Variants in NDE1 observed in about 807,000 individuals in gnomAD.
The protein encoded by NDE1 is nudE neurodevelopment protein 1, also known as nuclear distribution protein nudE homolog 1.
In NDE1, 28 loss-of-function variants were observed where a neutral mutation model predicts 43.4. That is an observed-to-expected ratio of 0.65 (90% confidence interval 0.48 to 0.89). The LOEUF (loss-of-function observed/expected upper bound fraction) is 0.89. NDE1 is among the 40% of genes least tolerant of loss of function. NDE1 has a pLI of 0.00. For missense variants in NDE1, 441 were observed against 434.1 expected, an observed-to-expected ratio of 1.02 and a Z score of -0.14; for synonymous variants, 184 against 172.0, an observed-to-expected ratio of 1.07 and a Z score of -0.55.
Position 15,667,410 on chromosome 16 carries a change from C to A in NDE1, c.208C>A (p.Arg70Ser), listed in dbSNP as rs150551388. The A allele has an allele frequency of 8.7e-6, 14 of 1,613,702 alleles. No individual in the cohort carries two copies. The highest frequency in any genetic ancestry group is 5.3e-5 in the African/African-American group (4 of 74,854). The change falls in exon 3 of 9, where the codon CGC becomes AGC. Residue 70 changes from arginine (R) to serine (S), a missense_variant. By Grantham distance (110) the Arg-to-Ser change is moderately radical. Transcript: ENST00000396354. The part of the protein sequence containing the change: ...RNRDLLSENN[R>S]LRMELETIKE... ...CAGAGACCTCCTGTCCGAAAATAAC[C>A]GCCTTCGCATGGAGCTGGAAACCAT...
At chr16:15,684,304 A>T (rs1317609086) in intron 4 of NDE1, 1 of 152,008 alleles carries the variant, frequency 6.6e-6, no homozygotes, top group East Asian at 1.9e-4. Context: ...CAGAAATGCC[A>T]CTGAAGGGCC....
At chr16:15,646,119 T>G (rs990926189), upstream of NDE1, among the ~76,000 whole-genome samples, 41 of 152,262 alleles carry the variant, frequency 2.7e-4, no homozygotes, top group African/African-American at 9.6e-4. Flanking sequence ...CTCTCTTTTT[T>G]CTTTATGGAA....
intron 8 of NDE1, among the ~76,000 whole-genome samples, chr16:15,708,565 T>A (rs1372603074): frequency 6.6e-6 from 1 of 152,216 alleles, no homozygotes; most frequent in Non-Finnish European, 1.5e-5. Context: ...TTGGGTGTCA[T>A]GTCACATGTG....
chr16:15,718,216 C>A (rs1388738315), intron 8 of NDE1: 1 of 1,585,118 alleles, frequency 6.3e-7, no homozygotes, highest in Non-Finnish European at 8.6e-7. Flanking sequence ...AATCCAGGGC[C>A]TGCACACAGG....
At chr16:15,666,978 G>A (rs2037338046) in intron 2 of NDE1, among the ~76,000 whole-genome samples, 2 of 152,124 alleles carry the variant, frequency 1.3e-5, no homozygotes, top group Non-Finnish European at 2.9e-5. Context: ...AGGTACAATG[G>A]CTAACGCCTG....
chr16:15,718,199 G>A, intron 8 of NDE1: 2 of 1,538,114 alleles, frequency 1.3e-6, no homozygotes, highest in Non-Finnish European at 1.8e-6. Context: ...CCACCCTCTT[G>A]TCCCTCAATC....
chr16:15,645,205 G>A (rs2151378054), intron 1 of NDE1, among the ~76,000 whole-genome samples: 1 of 152,188 alleles, frequency 6.6e-6, no homozygotes, highest in South Asian at 2.1e-4. Context: ...GAGCCAACGA[G>A]CTTGACCACA....
chr16:15,664,345 A>G (rs2037193544), intron 1 of NDE1, among the ~76,000 whole-genome samples: 2 of 152,032 alleles, frequency 1.3e-5, no homozygotes, highest in Admixed American at 1.3e-4. Context: ...TTAACCCAGC[A>G]TAAAGTTTAT....
At chr16:15,717,438 C>G (rs539739792) in intron 8 of NDE1, 263 of 1,359,176 alleles carry the variant, frequency 1.9e-4, no homozygotes, top group Non-Finnish European at 2.5e-4. Flanking sequence ...TGTTTGGCCT[C>G]TGCACGAGTC....
Position 15,718,345 on chromosome 16 carries a change from C to T in NDE1, c.948-5846C>T. On this transcript the variant is annotated intron_variant, in intron 8 of 8. Transcript: ENST00000396354. ...GTGTGGCTTTGCGGACCCGGTCGCT[C>T]ATGGCCTCCATGTTGCCCTGCTCCT... 5 of 1,608,652 alleles carry T rather than the reference C, an allele frequency of 3.1e-6. No individual in the cohort carries two copies. The highest frequency in any genetic ancestry group is 4.5e-5 in the East Asian group (2 of 44,862).
chr16:15,687,533 C>T, intron 5 of NDE1, 22 bp downstream of exon 5: 1 of 1,600,156 alleles, frequency 6.2e-7, no homozygotes, highest in East Asian at 2.2e-5. Flanking sequence ...TTGGTGTCTT[C>T]ACCAGCATGG....
intron 3 of NDE1, among the ~76,000 whole-genome samples, chr16:15,668,375 C>T (rs367736859): frequency 3.9e-5 from 6 of 152,318 alleles, no homozygotes; most frequent in African/African-American, 1.4e-4. Flanking sequence ...CAAAGTCCTT[C>T]CACCTGAACC....
chr16:15,717,223 G>A lies in NDE1; in HGVS notation c.948-6968G>A, dbSNP rs145857508. The A allele has an allele frequency of 2.0e-5, 32 of 1,614,072 alleles. No homozygotes were observed. Among genetic ancestry groups the A allele is most frequent in the East Asian group, 1.1e-4 (5 of 44,896 alleles). ...TGGTGGACTTGAACTTGGACTTGACGGCCCCCTCCATCTCGTGGAGCTTGC... is the reference window on the plus strand; with the variant it reads ...TGGTGGACTTGAACTTGGACTTGACAGCCCCCTCCATCTCGTGGAGCTTGC... On this transcript the variant is annotated intron_variant, in intron 8 of 8. Transcript: ENST00000396354.
At chr16:15,650,891 C>T (rs2151386834) in intron 1 of NDE1, among the ~76,000 whole-genome samples, 1 of 152,330 alleles carries the variant, frequency 6.6e-6, no homozygotes, top group Middle Eastern at 3.4e-3. Flanking sequence ...TCCCTCCCTC[C>T]GGGAACACGT....
intron 8 of NDE1, among the ~76,000 whole-genome samples, chr16:15,708,303 C>G (rs573430826): frequency 6.6e-5 from 10 of 152,292 alleles, no homozygotes; most frequent in Admixed American, 5.9e-4. Flanking sequence ...CCGCAGTTAC[C>G]GTGAACTTTG....
rs2037368707 is a variant in NDE1, at chr16:15,667,546, G to T, written c.237+107G>T. Reference sequence around the variant, plus strand: ...CTGCAATGAGGGACTCCAGACCCCAGGCCCATGCTCATCTCTGGAAGGGCC... The same window carrying T: ...CTGCAATGAGGGACTCCAGACCCCATGCCCATGCTCATCTCTGGAAGGGCC... On this transcript the variant is annotated intron_variant, in intron 3 of 8. Transcript: ENST00000396354. 5 of 1,374,272 alleles carry T rather than the reference G, an allele frequency of 3.6e-6. No individual in the cohort carries two copies. In the South Asian group the frequency reaches 6.1e-5, roughly 17 times the overall value. 85.1% of individuals were successfully genotyped at this position (1,374,272 alleles called of 1,614,324 possible).
chr16:15,706,016 G>A (rs1461673577), intron 8 of NDE1, among the ~76,000 whole-genome samples: 2 of 115,542 alleles, frequency 1.7e-5, no homozygotes, highest in Non-Finnish European at 3.4e-5. Context: ...TCAAGGCCCA[G>A]AGATTCATGA....
At chr16:15,690,501 G>A (rs867247497) in intron 5 of NDE1, among the ~76,000 whole-genome samples, 1 of 151,196 alleles carries the variant, frequency 6.6e-6, no homozygotes, top group Middle Eastern at 3.4e-3. Flanking sequence ...GGGATTACAG[G>A]CATGAGTCAC....
intron 4 of NDE1, chr16:15,683,280 A>G (rs1448349136): frequency 6.6e-6 from 1 of 152,182 alleles, no homozygotes; most frequent in Admixed American, 6.5e-5. Flanking sequence ...ATAACTGCAC[A>G]TGAAATTAAC....
Sources: gnomAD v4.1 joint callset for allele counts (sites outside exome capture counted in the v4.1 genomes callset) on GRCh38, gnomAD v4.1.1 for gene constraint, MANE v1.5 for transcripts, NCBI Gene and HGNC (gene_info 2026-07-23, HGNC 2026-07-21) for gene names.